Variants in PPP1R16B observed in about 807,000 individuals in gnomAD.
The protein encoded by PPP1R16B is protein phosphatase 1 regulatory inhibitor subunit 16B.
PPP1R16B carries 14 observed loss-of-function variants against 61.7 expected under a neutral mutation model. The observed-to-expected ratio is 0.23, with a 90% CI of 0.15 to 0.35. The LOEUF is 0.35. Among genes scored for constraint, PPP1R16B ranks in the 10% least tolerant of loss-of-function variants. PPP1R16B has a pLI of 1.00. For missense variants in PPP1R16B, 547 were observed against 752.5 expected, an observed-to-expected ratio of 0.73 and a Z score of 3.19; for synonymous variants, 266 against 305.3, an observed-to-expected ratio of 0.87 and a Z score of 1.34.
intron 4 of PPP1R16B, among the ~76,000 whole-genome samples, chr20:38,898,673 G>T (rs2145770967): frequency 6.6e-6 from 1 of 152,262 alleles, no homozygotes; most frequent in South Asian, 2.1e-4. Context: ...AGCTGGGCGT[G>T]GTGGTGCACG....
At chr20:38,893,695 G>A (rs371122009) in intron 3 of PPP1R16B, among the ~76,000 whole-genome samples, 4 of 152,002 alleles carry the variant, frequency 2.6e-5, no homozygotes, top group Non-Finnish European at 5.9e-5. Flanking sequence ...CTCCATGTGC[G>A]CCCCTGCACC....
chr20:38,844,786 C>T (rs2084927120), intron 2 of PPP1R16B, among the ~76,000 whole-genome samples: 1 of 152,174 alleles, frequency 6.6e-6, no homozygotes, highest in African/African-American at 2.4e-5. Context: ...ATTGCTTTTA[C>T]ACCATCAGTG....
In PPP1R16B at chr20:38,855,980, A is replaced by AAG. The variant is rs1298599688; in HGVS notation, c.250+19805_250+19806insAG. On this transcript the variant is annotated intron_variant, in intron 2 of 10. Coordinates refer to ENST00000299824, the MANE Select transcript of PPP1R16B (RefSeq NM_015568.4). ...GAGAGAGAGAGAGAGAGAGAGAGAG[A>AAG]GAAGGAGGAGGAGAGAGACCAGGAC... Among the ~76,000 whole-genome samples, 404 of 114,926 alleles carry AAG rather than the reference A, an allele frequency of 3.5e-3. 1 individual carries two copies. Among genetic ancestry groups the AAG allele is most frequent in the Non-Finnish European group, 5.1e-3 (280 of 55,204 alleles). The allele number at this position is 114,926 out of a possible 152,430, so 75.4% of individuals were successfully genotyped here. A position where few individuals can be genotyped will look rare whatever the true frequency, so the allele number is the denominator to read the frequency against.
chr20:38,881,654 T>C (rs1279850974), intron 2 of PPP1R16B, among the ~76,000 whole-genome samples: 1 of 152,214 alleles, frequency 6.6e-6, no homozygotes, highest in African/African-American at 2.4e-5. Flanking sequence ...CTTCTGTGCC[T>C]CAGTGACTTC....
chr20:38,833,643 A>G (rs1197680565), intron 1 of PPP1R16B, among the ~76,000 whole-genome samples: 3 of 152,268 alleles, frequency 2.0e-5, no homozygotes, highest in Non-Finnish European at 4.4e-5. Flanking sequence ...AAATCAAAAC[A>G]AAACAAACAA....
rs759377582 is a variant in PPP1R16B, at chr20:38,918,521, T to C, written c.1559T>C (p.Leu520Ser). The change falls in exon 11 of 11, where the codon TTG (leucine) becomes TCG (serine). Residue 520 changes from leucine to serine, a missense_variant. Leu to Ser is a moderately radical substitution (Grantham distance 145). Coordinates refer to ENST00000299824, the MANE Select transcript of PPP1R16B (RefSeq NM_015568.4). This position sits in a 1 kb window ranked among gnomAD's most constrained non-coding sequence, Gnocchi z 5.3. Reference sequence around the variant, plus strand: ...AGTAGCAGTGAAGGCAAGGCCCCCTTGATCGGAGGCAGAACTTCACCGTAC... The same window carrying C: ...AGTAGCAGTGAAGGCAAGGCCCCCTCGATCGGAGGCAGAACTTCACCGTAC... Reference protein sequence around the residue: ...GESSSEGKAPLIGGRTSPYSS... With the variant: ...GESSSEGKAPSIGGRTSPYSS... 8 of 1,596,036 alleles carry C rather than the reference T, an allele frequency of 5.0e-6. No homozygotes were observed. Among genetic ancestry groups the C allele is most frequent in the Non-Finnish European group, 6.8e-6 (8 of 1,168,796 alleles).
intron 2 of PPP1R16B, among the ~76,000 whole-genome samples, chr20:38,874,479 A>G (rs1297328699): frequency 1.3e-5 from 2 of 152,212 alleles, no homozygotes; most frequent in African/African-American, 4.8e-5. Flanking sequence ...GACACATCTG[A>G]GATCAAACCA....
At chr20:38,903,699 G>T (rs2085417029) in intron 6 of PPP1R16B, among the ~76,000 whole-genome samples, 1 of 152,132 alleles carries the variant, frequency 6.6e-6, no homozygotes, top group Admixed American at 6.5e-5. Context: ...AGACCCTGGA[G>T]ACAGAGAACA....
chr20:38,858,657 T>C (rs1476365838), intron 2 of PPP1R16B, among the ~76,000 whole-genome samples: 1 of 152,146 alleles, frequency 6.6e-6, no homozygotes, highest in Non-Finnish European at 1.5e-5. Context: ...TTCAGACCCA[T>C]AAAACTCTGG....
intron 10 of PPP1R16B, among the ~76,000 whole-genome samples, chr20:38,916,317 TATATGTATGTTATATATAAATAC>T (rs2085539661): frequency 6.7e-6 from 1 of 148,220 alleles, no homozygotes; most frequent in Admixed American, 6.8e-5. Flanking sequence ...ATATATGTTA[TATATGTATGTTATATATAAATAC>T]ATATATATGT....
rs2085556635 is a variant in PPP1R16B at position 38,918,118 on chromosome 20, C to A, written c.1195-39C>A. 1 of 1,604,392 alleles carries A rather than the reference C, an allele frequency of 6.2e-7. No homozygotes were observed. On this transcript the variant is annotated intron_variant, in intron 10 of 10. Transcript: ENST00000299824. This position sits in a 1 kb window ranked among gnomAD's most constrained non-coding sequence, Gnocchi z 5.3. ...AGACAGGTGGATAGTAGGTTCAGAT[C>A]TTCCAGCCAGCTGGTAATGTTGTCC...
intron 1 of PPP1R16B, among the ~76,000 whole-genome samples, chr20:38,835,500 ATTC>A (rs1428563642): frequency 6.6e-6 from 1 of 152,252 alleles, no homozygotes; most frequent in East Asian, 1.9e-4. Context: ...TGATGGATAT[ATTC>A]TTTATCTGCA....
chr20:38,826,034 G>A (rs1601238589), intron 1 of PPP1R16B, among the ~76,000 whole-genome samples: 1 of 152,190 alleles, frequency 6.6e-6, no homozygotes. Context: ...TTGGTCATGA[G>A]TGTTGTGCTG....
intron 4 of PPP1R16B, among the ~76,000 whole-genome samples, chr20:38,896,170 CCTTCTTTCTTCCCT>C (rs2085346584): frequency 1.1e-5 from 1 of 87,266 alleles, no homozygotes; most frequent in Admixed American, 1.2e-4. Flanking sequence ...TCCCTTCCTT[CCTTCTTTCTTCCCT>C]CCCTTCCTTC....
chr20:38,904,114 A>G (rs2145776271), intron 6 of PPP1R16B, among the ~76,000 whole-genome samples: 1 of 152,246 alleles, frequency 6.6e-6, no homozygotes, highest in South Asian at 2.1e-4. Context: ...GCCCATTTCT[A>G]TTACTTGGGT....
chr20:38,836,085 A>G lies in PPP1R16B; in HGVS notation c.160A>G (p.Lys54Glu), dbSNP rs1395989149. Residue 54 changes from lysine (K) to glutamate (E), a missense_variant, in exon 2 of 11, where the codon AAG becomes GAG. Lys to Glu is a moderately conservative substitution (Grantham distance 56). Coordinates refer to ENST00000299824, the MANE Select transcript of PPP1R16B (RefSeq NM_015568.4). ...LQHRKRKHER[K>E]RSTGGRRKKV... ...GCACCGCAAGCGAAAGCATGAGCGG[A>G]AGCGCAGCACGGGCGGCCGCCGCAA... The G allele has an allele frequency of 6.2e-7, 1 of 1,611,954 alleles. No homozygotes were observed. The highest frequency in any genetic ancestry group is 1.7e-4 in the Middle Eastern group (1 of 6,056).
At chr20:38,809,984 C>CAAAAAA (rs1568649073) in intron 1 of PPP1R16B, among the ~76,000 whole-genome samples, 1 of 22,622 alleles carries the variant, frequency 4.4e-5, no homozygotes, top group South Asian at 1.1e-3. Flanking sequence ...GACCTTGTTT[C>CAAAAAA]GAAAAAAAAA....
chr20:38,873,421 T>C (rs867062553), intron 2 of PPP1R16B, among the ~76,000 whole-genome samples: 66 of 152,166 alleles, frequency 4.3e-4, no homozygotes, highest in Admixed American at 3.7e-3. Context: ...TTATGTATGC[T>C]GCGTAACAAA....
In PPP1R16B at chr20:38,836,111, G is replaced by C. The variant is rs756437510; in HGVS notation, c.186G>C (p.Lys62Asn). The C allele has an allele frequency of 5.3e-5, 86 of 1,612,544 alleles. No individual in the cohort carries two copies. Among genetic ancestry groups the C allele is most frequent in the South Asian group, 7.7e-5 (7 of 91,082 alleles). ...AGCGCAGCACGGGCGGCCGCCGCAAGAAAGTGTCCTTCGAGGCCAGCGTGG... is the reference window on the plus strand; with the variant it reads ...AGCGCAGCACGGGCGGCCGCCGCAACAAAGTGTCCTTCGAGGCCAGCGTGG... ...ERKRSTGGRRKKVSFEASVAL... is the reference protein window; with the variant it reads ...ERKRSTGGRRNKVSFEASVAL... The change falls in exon 2 of 11, where the codon AAG becomes AAC. Residue 62 changes from lysine to asparagine, a missense_variant. By Grantham distance (94) the Lys-to-Asn change is moderately conservative. Coordinates refer to ENST00000299824, the MANE Select transcript of PPP1R16B (RefSeq NM_015568.4).
Sources: allele counts gnomAD v4.1 joint callset (sites outside exome capture counted in the v4.1 genomes callset), GRCh38; gene constraint gnomAD v4.1.1; non-coding constraint Gnocchi (gnomAD v3.1); transcripts MANE v1.5; gene names NCBI Gene and HGNC (gene_info 2026-07-23, HGNC 2026-07-21).